Variants in A1CF observed in about 807,000 individuals in gnomAD.
A1CF encodes the protein APOBEC1 complementation factor.
In A1CF, 48 loss-of-function variants were observed where a neutral mutation model predicts 68.9. The ratio of observed to expected loss-of-function variants is 0.70; its 90% confidence interval spans 0.55 to 0.89. The LOEUF (loss-of-function observed/expected upper bound fraction) is 0.89, where lower values mean the gene tolerates loss of function less well. Among genes scored for constraint, A1CF ranks in the 40% least tolerant of loss-of-function variants. The probability of loss-of-function intolerance (pLI) is 0.00; values close to 1 mark genes in which losing one functional copy is unlikely to be tolerated. For synonymous variants in A1CF, 272 were observed against 260.4 expected (o/e 1.04, Z -0.43); for missense variants, 653 against 718.9 (o/e 0.91, Z 1.05).
intron 1 of A1CF, among the ~76,000 whole-genome samples, chr10:50,873,754 A>G (rs988750907): frequency 6.6e-6 from 1 of 152,092 alleles, no homozygotes; most frequent in African/African-American, 2.4e-5. Context: ...TCTATATACC[A>G]TCCTATATGG....
At chr10:50,875,223 A>T (rs183549400) in intron 1 of A1CF, among the ~76,000 whole-genome samples, 39 of 152,336 alleles carry the variant, frequency 2.6e-4, no homozygotes, top group Admixed American at 2.4e-3. Context: ...CTATGGTTTC[A>T]TCATTTCTAA....
intron 1 of A1CF, among the ~76,000 whole-genome samples, chr10:50,882,534 C>A (rs1375024150): frequency 1.3e-5 from 2 of 152,028 alleles, no homozygotes; most frequent in Non-Finnish European, 2.9e-5. Flanking sequence ...GAATCAGCAG[C>A]AAACATTTGT....
chr10:50,855,444 A>T, intron 3 of A1CF, among the ~76,000 whole-genome samples: 1 of 152,090 alleles, frequency 6.6e-6, no homozygotes, highest in Non-Finnish European at 1.5e-5. Flanking sequence ...ACTTAGTAAT[A>T]TTATACAATT....
chr10:50,856,281 G>C (rs543693977), intron 3 of A1CF, among the ~76,000 whole-genome samples: 6 of 152,154 alleles, frequency 3.9e-5, no homozygotes, highest in African/African-American at 1.4e-4. Context: ...CAGGCCTTCT[G>C]ATTTAAAGTC....
chr10:50,833,320 G>T (rs1318146381), intron 6 of A1CF, among the ~76,000 whole-genome samples: 1 of 152,206 alleles, frequency 6.6e-6, no homozygotes, highest in East Asian at 1.9e-4. Flanking sequence ...CTGGCGGTGG[G>T]ATCTAGCAAT....
chr10:50,841,314 A>G (rs1839764690), intron 5 of A1CF, among the ~76,000 whole-genome samples: 2 of 152,022 alleles, frequency 1.3e-5, no homozygotes, highest in Admixed American at 1.3e-4. Flanking sequence ...CCTCAAACAT[A>G]TCACGCTTGT....
chr10:50,844,920 T>C (rs1839930880), intron 3 of A1CF, among the ~76,000 whole-genome samples: 1 of 152,200 alleles, frequency 6.6e-6, no homozygotes, highest in Non-Finnish European at 1.5e-5. Flanking sequence ...CTGTTAAATC[T>C]TCATATACAC....
chr10:50,862,982 C>T (rs1482101740), intron 2 of A1CF: 3 of 152,118 alleles, frequency 2.0e-5, no homozygotes, highest in African/African-American at 7.2e-5. Flanking sequence ...AACAGTCATG[C>T]TGAAATGACA....
At chr10:50,875,761 G>A (rs1841482946) in intron 1 of A1CF, among the ~76,000 whole-genome samples, 1 of 152,160 alleles carries the variant, frequency 6.6e-6, no homozygotes, top group Non-Finnish European at 1.5e-5. Flanking sequence ...TGAAAGAAAT[G>A]TCACTGCTTA....
In A1CF at chr10:50,806,785, C is replaced by A. The variant is rs147929533; in HGVS notation, c.1705G>T (p.Glu569Ter). 6.2e-7 allele frequency: 1 copy of A among 1,613,254 alleles called. No individual in the cohort carries two copies. Among genetic ancestry groups the A allele is most frequent in the Non-Finnish European group, 8.5e-7 (1 of 1,179,624 alleles). The stretch of plus-strand genomic sequence containing the variant: ...GTCACTGCAAAAGTTGGGTAGACCT[C>A]ATAGGTTGTATATGCTGCTAAGTCT... Reference protein sequence around the residue: ...GQDLAAYTTYEVYPTFAVTAR... With the variant: ...GQDLAAYTTY The change falls in exon 13 of 13, where the codon GAG (glutamate) becomes TAG (stop). Residue 569 changes from glutamate (E) to a stop codon, truncating the protein, a stop_gained. Transcript: ENST00000373997. LOFTEE classifies it high-confidence loss of function.
chr10:50,878,192 A>G (rs1216466229), intron 1 of A1CF, among the ~76,000 whole-genome samples: 3 of 152,344 alleles, frequency 2.0e-5, no homozygotes, highest in South Asian at 2.1e-4. Flanking sequence ...AATTTCTACT[A>G]CAAGCCAGTG....
rs1173566712 is a variant in A1CF, at chr10:50,851,309, C to T, written c.100-7187G>A. ...GTAAAAGGAAGGCTGACTTTGATAT[C>T]ATGTTTAATGGAGGAAAATGTTCAT... On this transcript the variant is annotated intron_variant, in intron 3 of 12. Transcript: ENST00000373997. Among the ~76,000 whole-genome samples, 4 of 152,240 alleles carry T rather than the reference C, an allele frequency of 2.6e-5. No homozygotes were observed. In the East Asian group the frequency reaches 7.7e-4, roughly 29 times the overall value.
intron 7 of A1CF, among the ~76,000 whole-genome samples, chr10:50,827,405 T>C (rs1466796154): frequency 6.6e-6 from 1 of 152,096 alleles, no homozygotes; most frequent in East Asian, 1.9e-4. Flanking sequence ...TCAGCAAATG[T>C]AAAAGAACAG....
Position 50,835,970 on chromosome 10 carries a change from A to G in A1CF, c.604+104T>C, listed in dbSNP as rs148259758. 789 of 1,048,264 alleles carry G rather than the reference A, an allele frequency of 7.5e-4. 9 individuals carry two copies. The East Asian group carries it at 0.018, about 24-fold the overall frequency. 64.9% of individuals were successfully genotyped at this position (1,048,264 alleles called of 1,614,324 possible). ...AAGAAGGATAAAAAATTTAAAATAC[A>G]GCGTAATGAAAGATAGCCAAAAAAA... On this transcript the variant is annotated intron_variant, in intron 6 of 12. Transcript: ENST00000373997.
At chr10:50,808,673 A>G (rs760713025) in intron 12 of A1CF, among the ~76,000 whole-genome samples, 9 of 152,324 alleles carry the variant, frequency 5.9e-5, no homozygotes, top group Middle Eastern at 3.4e-3. Context: ...GAGCATCTCC[A>G]TGTTCTTACA....
rs1398667398 is a variant in A1CF, at chr10:50,800,094, A to G, written c.*6635T>C. The G allele has an allele frequency of 6.6e-6, 1 of 152,176 alleles. No individual in the cohort carries two copies. The highest frequency in any genetic ancestry group is 1.5e-5 in the Non-Finnish European group (1 of 67,976). 9.4% of individuals were successfully genotyped at this position (152,176 alleles called of 1,614,324 possible). ...AAGGCATGTCTAAGTCTTGTGATAT[A>G]GATTTTAAAATTTTATAAACACAAA... On this transcript the variant is annotated 3_prime_UTR_variant, in exon 13 of 13. Coordinates refer to ENST00000373997, the MANE Select transcript of A1CF (RefSeq NM_014576.4).
chr10:50,847,015 G>A (rs1204140215), intron 3 of A1CF, among the ~76,000 whole-genome samples: 1 of 152,096 alleles, frequency 6.6e-6, no homozygotes, highest in East Asian at 1.9e-4. Flanking sequence ...TACTCAGAAA[G>A]GACAGTTGGG....
At chr10:50,866,483 A>G (rs1840995760) in intron 1 of A1CF, among the ~76,000 whole-genome samples, 1 of 152,178 alleles carries the variant, frequency 6.6e-6, no homozygotes, top group Non-Finnish European at 1.5e-5. Context: ...GCAAAGTTAG[A>G]GCTGCAGTTC....
At chr10:50,814,515 C>T (rs750709471) in intron 9 of A1CF, among the ~76,000 whole-genome samples, 1 of 152,204 alleles carries the variant, frequency 6.6e-6, no homozygotes, top group Non-Finnish European at 1.5e-5. Context: ...AATTATCCCA[C>T]TTCCAATGAC....
Sources: gnomAD v4.1 joint callset for allele counts (sites outside exome capture counted in the v4.1 genomes callset) on GRCh38, gnomAD v4.1.1 for gene constraint, MANE v1.5 for transcripts, NCBI Gene and HGNC (gene_info 2026-07-23, HGNC 2026-07-21) for gene names.